Variants in TMEM132C observed in about 807,000 individuals in gnomAD.
The protein encoded by TMEM132C is transmembrane protein 132C.
TMEM132C carries 29 observed loss-of-function variants against 61.4 expected under a neutral mutation model. That is an observed-to-expected ratio of 0.47 (90% confidence interval 0.35 to 0.64). The LOEUF (loss-of-function observed/expected upper bound fraction) is 0.64, where lower values mean the gene tolerates loss of function less well. TMEM132C is among the 30% of genes least tolerant of loss of function. The pLI is 0.00. For synonymous variants in TMEM132C, 656 were observed against 633.1 expected, an observed-to-expected ratio of 1.04 and a Z score of -0.54; for missense variants, 1,408 against 1,476.9, an observed-to-expected ratio of 0.95 and a Z score of 0.76.
At chr12:128,628,306 C>T (rs1201422091) in intron 4 of TMEM132C, among the ~76,000 whole-genome samples, 4 of 152,180 alleles carry the variant, frequency 2.6e-5, no homozygotes, top group Admixed American at 1.3e-4. Context: ...GTCTGGTCCA[C>T]GGCGGCACGC....
At chr12:128,383,564 C>T (rs977439212) in intron 1 of TMEM132C, among the ~76,000 whole-genome samples, 6 of 152,100 alleles carry the variant, frequency 3.9e-5, no homozygotes, top group African/African-American at 1.4e-4. Flanking sequence ...ACAAAGCCCC[C>T]CTGTTGTCCT....
At chr12:128,515,315 G>A (rs1445883322) in intron 2 of TMEM132C, among the ~76,000 whole-genome samples, 2 of 152,182 alleles carry the variant, frequency 1.3e-5, no homozygotes, top group Admixed American at 6.5e-5. Flanking sequence ...CGTAATAATG[G>A]GAGGATGTGA....
intron 1 of TMEM132C, among the ~76,000 whole-genome samples, chr12:128,392,897 G>A (rs554920281): frequency 7.9e-5 from 12 of 152,280 alleles, no homozygotes; most frequent in South Asian, 6.2e-4. Flanking sequence ...CCTGCAGGCC[G>A]TGGGTTGGAG....
At position 128,705,769 on chromosome 12, in the gene TMEM132C, T is replaced by C. The variant is rs2135664377; in HGVS notation, c.2801T>C (p.Phe934Ser). ...EIGMYALLGVFCLAILVFLIN... is the reference protein window; with the variant it reads ...EIGMYALLGVSCLAILVFLIN... ...GGGATGTACGCCCTCCTGGGGGTGT[T>C]CTGCCTGGCCATCCTCGTCTTCCTG... Residue 934 changes from phenylalanine to serine, a missense_variant, in exon 9 of 9, where the codon TTC becomes TCC. Physicochemically the swap from Phe to Ser is radical, Grantham distance 155 (BLOSUM62 -2). Transcript: ENST00000435159. 1 of 1,551,522 alleles carries C rather than the reference T, an allele frequency of 6.4e-7. No individual in the cohort carries two copies. Among genetic ancestry groups the C allele is most frequent in the East Asian group, 2.4e-5 (1 of 40,918 alleles).
intron 8 of TMEM132C, among the ~76,000 whole-genome samples, chr12:128,700,097 A>C (rs1954793452): frequency 1.3e-5 from 2 of 152,168 alleles, no homozygotes; most frequent in Non-Finnish European, 2.9e-5. Flanking sequence ...TTGGCATTGC[A>C]ACCCCCTTGG....
intron 3 of TMEM132C, among the ~76,000 whole-genome samples, chr12:128,586,889 C>T (rs1261078560): frequency 2.0e-5 from 3 of 152,210 alleles, no homozygotes; most frequent in Non-Finnish European, 4.4e-5. Flanking sequence ...TCCTGGGCAG[C>T]ACCTGCTCTC....
intron 2 of TMEM132C, among the ~76,000 whole-genome samples, chr12:128,455,653 C>T (rs558874078): frequency 1.3e-5 from 2 of 152,276 alleles, no homozygotes; most frequent in Non-Finnish European, 2.9e-5. Context: ...ATAATAGAAA[C>T]GTATGATCTT....
intron 1 of TMEM132C, among the ~76,000 whole-genome samples, chr12:128,290,258 A>C (rs1043300450): frequency 2.0e-5 from 3 of 152,166 alleles, no homozygotes; most frequent in African/African-American, 7.2e-5. Context: ...TGCAGGCTTA[A>C]TAGAAAGCAT....
intron 1 of TMEM132C, among the ~76,000 whole-genome samples, chr12:128,333,140 G>C (rs115354360): frequency 0.011 from 1,607 of 151,988 alleles, 29 homozygotes; most frequent in East Asian, 0.034. Flanking sequence ...TTATGTGTAT[G>C]TGTGTGCATG....
intron 2 of TMEM132C, among the ~76,000 whole-genome samples, chr12:128,446,427 G>C (rs1869983082): frequency 6.6e-6 from 1 of 152,218 alleles, no homozygotes; most frequent in South Asian, 2.1e-4. Context: ...TCTTCCGTAA[G>C]AAAGTCTAAC....
intron 3 of TMEM132C, among the ~76,000 whole-genome samples, chr12:128,581,065 G>T (rs1381640268): frequency 6.6e-6 from 1 of 152,138 alleles, no homozygotes; most frequent in African/African-American, 2.4e-5. Flanking sequence ...GAAGCTGAGG[G>T]TCTTATTATG....
At chr12:128,432,392 G>T in intron 2 of TMEM132C, among the ~76,000 whole-genome samples, 1 of 152,196 alleles carries the variant, frequency 6.6e-6, no homozygotes, top group East Asian at 1.9e-4. Flanking sequence ...CTTCTGGAAA[G>T]GATTCACCAT....
intron 3 of TMEM132C, among the ~76,000 whole-genome samples, chr12:128,599,729 G>A (rs1876101777): frequency 6.6e-6 from 1 of 152,176 alleles, no homozygotes; most frequent in African/African-American, 2.4e-5. Flanking sequence ...TGCAGCCAAG[G>A]TTGAGGACCT....
chr12:128,665,620 G>GGCGC (rs553789336), intron 4 of TMEM132C, among the ~76,000 whole-genome samples: 38 of 54,006 alleles, frequency 7.0e-4, no homozygotes, highest in East Asian at 3.2e-3. Context: ...CCCAAACACA[G>GGCGC]GCACACACAC....
intron 4 of TMEM132C, among the ~76,000 whole-genome samples, chr12:128,650,466 G>A (rs1954257055): frequency 6.6e-6 from 1 of 152,148 alleles, no homozygotes; most frequent in South Asian, 2.1e-4. Flanking sequence ...GCTCACATCT[G>A]TAATCCCAGC....
intron 1 of TMEM132C, among the ~76,000 whole-genome samples, chr12:128,370,559 G>C (rs1408700926): frequency 6.6e-6 from 1 of 151,718 alleles, no homozygotes; most frequent in African/African-American, 2.4e-5. Flanking sequence ...GGTCAAGCAG[G>C]ACGGAGGTAG....
chr12:128,414,590 G>A (rs1868687351), intron 1 of TMEM132C, 142 bp from the exon 2 acceptor site: 1 of 848,686 alleles, frequency 1.2e-6, no homozygotes. Flanking sequence ...CTTATTCCAG[G>A]AAGAATATAA....
intron 2 of TMEM132C, among the ~76,000 whole-genome samples, chr12:128,463,733 C>T (rs1870622300): frequency 6.6e-6 from 1 of 152,126 alleles, no homozygotes; most frequent in Admixed American, 6.5e-5. Context: ...CAGCTCTTGT[C>T]CATCTAATGT....
chr12:128,563,964 A>G (rs972872750), intron 3 of TMEM132C, among the ~76,000 whole-genome samples: 4 of 152,152 alleles, frequency 2.6e-5, no homozygotes, highest in South Asian at 2.1e-4. Flanking sequence ...TAGTGTTCCA[A>G]TAATGGAACA....
Sources: allele counts gnomAD v4.1 joint callset (sites outside exome capture counted in the v4.1 genomes callset), GRCh38; gene constraint gnomAD v4.1.1; transcripts MANE v1.5; gene names NCBI Gene and HGNC (gene_info 2026-07-23, HGNC 2026-07-21).